The following CDH1 variants were observed in gnomAD, a reference collection of about 807,000 sequenced individuals.
The protein encoded by CDH1 is cadherin 1.
CDH1 carries 35 observed loss-of-function variants against 84.5 expected under a neutral mutation model. The observed-to-expected ratio is 0.41, with a 90% CI of 0.32 to 0.55. The LOEUF (loss-of-function observed/expected upper bound fraction) is 0.55. Ranked by LOEUF, CDH1 falls within the 20% of genes least tolerant of loss-of-function variation. The probability of loss-of-function intolerance (pLI) is 0.19; values close to 1 mark genes in which losing one functional copy is unlikely to be tolerated. For missense variants in CDH1, 994 were observed against 1,126.6 expected, an observed-to-expected ratio of 0.88 and a Z score of 1.68; for synonymous variants, 417 against 439.0, an observed-to-expected ratio of 0.95 and a Z score of 0.63.
intron 2 of CDH1, among the ~76,000 whole-genome samples, chr16:68,744,320 T>TG (rs2152116016): frequency 6.6e-6 from 1 of 152,296 alleles, no homozygotes; most frequent in South Asian, 2.1e-4. Flanking sequence ...ATCTCAAACC[T>TG]GAGTCTGGAA....
intron 3 of CDH1, among the ~76,000 whole-genome samples, chr16:68,803,820 G>T (rs1437639156): frequency 6.6e-6 from 1 of 151,782 alleles, no homozygotes; most frequent in Non-Finnish European, 1.5e-5. Flanking sequence ...TCCAATTGTC[G>T]TGGTTTATGT....
At chr16:68,801,646 A>C (rs373615394) in intron 2 of CDH1, 24 bp from the exon 3 acceptor site, 15 of 1,586,712 alleles carry the variant, frequency 9.5e-6, no homozygotes, top group Non-Finnish European at 1.3e-5. Context: ...CAATTTCCTA[A>C]TCTCTGTGAT....
At chr16:68,765,206 A>G (rs1485491412) in intron 2 of CDH1, 2 of 151,650 alleles carry the variant, frequency 1.3e-5, no homozygotes, top group African/African-American at 4.8e-5. Flanking sequence ...TTTATTTTTT[A>G]TTTTTCGAGA....
intron 15 of CDH1, among the ~76,000 whole-genome samples, chr16:68,832,616 T>TAAG (rs1961514756): frequency 6.6e-6 from 1 of 152,204 alleles, no homozygotes; most frequent in East Asian, 1.9e-4. Context: ...GATCAGGAGT[T>TAAG]AGAGACCAGC....
chr16:68,817,257 C>T (rs2152135783), intron 10 of CDH1, among the ~76,000 whole-genome samples: 1 of 152,338 alleles, frequency 6.6e-6, no homozygotes, highest in East Asian at 1.9e-4. Flanking sequence ...AGTCCACCCA[C>T]AGGTCAACAG....
intron 1 of CDH1, among the ~76,000 whole-genome samples, 200 bp from the exon 2 acceptor site, chr16:68,738,097 G>T (rs1444064655): frequency 6.6e-6 from 1 of 152,054 alleles, no homozygotes; most frequent in African/African-American, 2.4e-5. Context: ...GCCCCCTCCC[G>T]GGAGTTCCTG....
chr16:68,801,577 T>C, intron 2 of CDH1, 93 bp from the exon 3 acceptor site: 1 of 993,650 alleles, frequency 1.0e-6, no homozygotes, highest in Non-Finnish European at 1.6e-6. Context: ...TTTGGTTTTG[T>C]GGGAGTCTTC....
chr16:68,791,812 G>GCCT (rs1294827444), intron 2 of CDH1, among the ~76,000 whole-genome samples: 2 of 152,152 alleles, frequency 1.3e-5, no homozygotes, highest in Non-Finnish European at 2.9e-5. Context: ...TATTTCTCAG[G>GCCT]CCTTAGGATG....
In CDH1 at chr16:68,813,384, C is replaced by T. The variant is rs982151802; in HGVS notation, c.1209C>T (p.Ala403=). Residue 403 remains alanine, a synonymous_variant, in exon 9 of 16, where the codon GCC becomes GCT. Coordinates refer to ENST00000261769, the MANE Select transcript of CDH1 (RefSeq NM_004360.5). The part of the protein sequence containing the change: ...ITTLKVTDAD[A]PNTPAWEAVY... ...CACTGAAAGTGACTGATGCTGATGC[C>T]CCCAATACCCCAGCGTGGGAGGCTG... 2 of 1,614,106 alleles carry T rather than the reference C, an allele frequency of 1.2e-6. No homozygotes were observed. Among genetic ancestry groups the T allele is most frequent in the South Asian group, 1.1e-5 (1 of 91,080 alleles).
chr16:68,811,452 CCTTT>C (rs1960827290), intron 6 of CDH1, among the ~76,000 whole-genome samples: 1 of 151,268 alleles, frequency 6.6e-6, no homozygotes, highest in African/African-American at 2.4e-5. Flanking sequence ...GTAATCATTC[CCTTT>C]CTTTTCTTTA....
chr16:68,776,145 CCTGA>C (rs1034745668), intron 2 of CDH1, among the ~76,000 whole-genome samples: 3 of 152,110 alleles, frequency 2.0e-5, no homozygotes, highest in African/African-American at 7.2e-5. Flanking sequence ...CACCACCATG[CCTGA>C]CTAAGTTTTG....
At chr16:68,824,819 A>G (rs1478876603) in intron 13 of CDH1, among the ~76,000 whole-genome samples, 1 of 152,088 alleles carries the variant, frequency 6.6e-6, no homozygotes, top group Admixed American at 6.5e-5. Flanking sequence ...TTAAAGGAAT[A>G]AATTAGCGAT....
rs116093741 is a variant in CDH1, at chr16:68,812,144, A to T, written c.1018A>T (p.Thr340Ser). 3.7e-6 allele frequency: 6 copies of T among 1,613,904 alleles called. No homozygotes were observed. In the Admixed American group the frequency reaches 5.0e-5, roughly 13 times the overall value. Reference protein sequence around the residue: ...TTGLDRESFPTYTLVVQAADL... With the variant: ...TTGLDRESFPSYTLVVQAADL... ...GTCGATCTCTCTGCAGAGTTTCCCT[A>T]CGTATACCCTGGTGGTTCAAGCTGC... The change falls in exon 8 of 16, where the codon ACG becomes TCG. Residue 340 changes from threonine to serine, a missense_variant. By Grantham distance (58) the Thr-to-Ser change is moderately conservative. Transcript: ENST00000261769.
intron 2 of CDH1, among the ~76,000 whole-genome samples, chr16:68,789,703 C>T (rs1205304592): frequency 6.6e-6 from 1 of 152,148 alleles, no homozygotes; most frequent in Non-Finnish European, 1.5e-5. Context: ...TGCTACTGCC[C>T]CAGCCCTGGA....
intron 15 of CDH1, among the ~76,000 whole-genome samples, chr16:68,831,695 C>T (rs1167849810): frequency 1.3e-5 from 2 of 151,804 alleles, no homozygotes; most frequent in Non-Finnish European, 2.9e-5. Context: ...ACCACTACCA[C>T]GCCCAGCTAC....
chr16:68,768,908 C>G (rs1341328803), intron 2 of CDH1, among the ~76,000 whole-genome samples: 1 of 152,190 alleles, frequency 6.6e-6, no homozygotes, highest in Non-Finnish European at 1.5e-5. Context: ...TCCCTGTGCC[C>G]AGAGCACCCT....
intron 2 of CDH1, among the ~76,000 whole-genome samples, chr16:68,798,283 C>T (rs1007980291): frequency 8.5e-5 from 13 of 152,078 alleles, no homozygotes; most frequent in African/African-American, 1.9e-4. Context: ...ACCCAGTCCC[C>T]GTATTCTGAT....
At chr16:68,793,798 A>G (rs1358414866) in intron 2 of CDH1, among the ~76,000 whole-genome samples, 1 of 152,122 alleles carries the variant, frequency 6.6e-6, no homozygotes, top group Admixed American at 6.6e-5. Context: ...AGGCTGAGGC[A>G]GGAGAATCCC....
At chr16:68,795,614 C>A (rs1960338080) in intron 2 of CDH1, among the ~76,000 whole-genome samples, 2 of 152,086 alleles carry the variant, frequency 1.3e-5, no homozygotes, top group Admixed American at 1.3e-4. Context: ...CCTGTCCTGG[C>A]CTTCTGAGTA....
Sources: gnomAD v4.1 joint callset for allele counts (sites outside exome capture counted in the v4.1 genomes callset) on GRCh38, gnomAD v4.1.1 for gene constraint, MANE v1.5 for transcripts, NCBI Gene and HGNC (gene_info 2026-07-23, HGNC 2026-07-21) for gene names.